The following CFHR4 variants were observed in gnomAD, a reference collection of about 807,000 sequenced individuals.
CFHR4 encodes the protein complement factor H-related protein 4.
Under a neutral mutation model 69.3 loss-of-function variants are expected in CFHR4, and 64 were observed. That is an observed-to-expected ratio of 0.92 (90% CI 0.76 to 1.14). The LOEUF is 1.14. Ranked by LOEUF, CFHR4 falls within the 50% of genes most tolerant of loss-of-function variation. CFHR4 has a pLI of 0.00. For missense variants in CFHR4, 636 were observed against 684.9 expected, an observed-to-expected ratio of 0.93 and a Z score of 0.80; for synonymous variants, 244 against 237.0, an observed-to-expected ratio of 1.03 and a Z score of -0.27.
rs1558250233 is a variant in CFHR4 at position 196,912,920 on chromosome 1, T to G, written c.1178T>G (p.Ile393Ser). Reference protein sequence around the residue: ...QNGWSAQPICIKFCDMPVFEN... With the variant: ...QNGWSAQPICSKFCDMPVFEN... ...GGATGGTCAGCACAACCAATTTGCA[T>G]TAGTAAGTGATTTACATATTCCCAT... The change falls in exon 7 of 10, where the codon ATT becomes AGT. Residue 393 changes from isoleucine (I) to serine (S), a missense_variant and splice_region_variant. Physicochemically the swap from Ile to Ser is moderately radical, Grantham distance 142. Transcript: ENST00000608469. 6.2e-7 allele frequency: 1 copy of G among 1,611,616 alleles called. No individual in the cohort carries two copies. Among genetic ancestry groups the G allele is most frequent in the South Asian group, 1.1e-5 (1 of 90,900 alleles).
intron 9 of CFHR4, among the ~76,000 whole-genome samples, chr1:196,917,891 G>T (rs1571459518): frequency 6.6e-6 from 1 of 151,584 alleles, no homozygotes; most frequent in African/African-American, 2.4e-5. Flanking sequence ...GAACATGTTA[G>T]CATAATCCTT....
chr1:196,902,154 C>T (rs1219390682), intron 1 of CFHR4, among the ~76,000 whole-genome samples: 1 of 151,388 alleles, frequency 6.6e-6, no homozygotes, highest in Non-Finnish European at 1.5e-5. Context: ...CATCTCTCAA[C>T]CAGGAAGCTC....
rs1019805744 is a variant in CFHR4, at chr1:196,915,458, AACCCTGTCTCT to A, written c.1540+323_1540+333del. 3.3e-3 allele frequency among the ~76,000 whole-genome samples: 495 copies of A among 151,310 alleles called. 16 individuals carry two copies. Among genetic ancestry groups the A allele is most frequent in the African/African-American group, 0.011 (462 of 41,028 alleles). On this transcript the variant is annotated intron_variant, in intron 9 of 9. Coordinates refer to ENST00000608469, the MANE Select transcript of CFHR4 (RefSeq NM_001201550.3). ...CGAGATCAGCCTGACCAACATGGTG[AACCCTGTCTCT>A]ACAAAAAATACAAAAATTAGCCAGG...
chr1:196,906,998 T>C lies in CFHR4; in HGVS notation c.577T>C (p.Cys193Arg). The change falls in exon 4 of 10, where the codon TGT becomes CGT. Residue 193 changes from cysteine (C) to arginine (R), a missense_variant. Physicochemically the swap from Cys to Arg is radical, Grantham distance 180. Around this residue, in one of 3 missense-constraint regions of CFHR4, gnomAD observed 529 missense variants for 533.2 expected, o/e 0.99. Transcript: ENST00000608469. ...SYGNTTDSIV[C>R]GEDGWSHLPT... is the part of the protein sequence containing the mutation. ...TGGAAACACCACAGATTCCATAGTGTGTGGTGAAGATGGCTGGTCCCATTT... is the reference window on the plus strand; with the variant it reads ...TGGAAACACCACAGATTCCATAGTGCGTGGTGAAGATGGCTGGTCCCATTT... 1.2e-6 allele frequency: 2 copies of C among 1,612,268 alleles called. No individual in the cohort carries two copies. The highest frequency in any genetic ancestry group is 1.7e-6 in the Non-Finnish European group (2 of 1,179,402).
intron 1 of CFHR4, among the ~76,000 whole-genome samples, chr1:196,891,848 G>T (rs1372172266): frequency 6.6e-6 from 1 of 150,980 alleles, no homozygotes; most frequent in African/African-American, 2.4e-5. Context: ...GTATATTCGT[G>T]TGTGGACCTA....
At chr1:196,909,561 T>C (rs1658122716) in intron 5 of CFHR4, among the ~76,000 whole-genome samples, 1 of 151,534 alleles carries the variant, frequency 6.6e-6, no homozygotes, top group Non-Finnish European at 1.5e-5. Flanking sequence ...AAGAAATTTA[T>C]TTAAGTGCTT....
At chr1:196,901,663 A>G (rs1657614226) in intron 1 of CFHR4, among the ~76,000 whole-genome samples, 1 of 151,358 alleles carries the variant, frequency 6.6e-6, no homozygotes, top group African/African-American at 2.4e-5. Flanking sequence ...GGAAATATCA[A>G]GTATAAGCCT....
At chr1:196,894,884 T>C (rs1355801912) in intron 1 of CFHR4, among the ~76,000 whole-genome samples, 1 of 26,830 alleles carries the variant, frequency 3.7e-5, no homozygotes, top group Admixed American at 5.7e-4. Flanking sequence ...AAACCCTGTC[T>C]CTAAAAACAA....
intron 3 of CFHR4, among the ~76,000 whole-genome samples, chr1:196,905,960 A>C (rs539124033): frequency 6.6e-6 from 1 of 151,568 alleles, no homozygotes; most frequent in Non-Finnish European, 1.5e-5. Context: ...ATAATGAACA[A>C]TGGAAACCTT....
chr1:196,904,394 T>G (rs1011234885), intron 2 of CFHR4, among the ~76,000 whole-genome samples: 2 of 151,488 alleles, frequency 1.3e-5, no homozygotes, highest in Non-Finnish European at 2.9e-5. Context: ...ATTTACATTT[T>G]TTTCTAATTA....
In CFHR4 at chr1:196,902,419, A is replaced by C. The variant is rs1571427584; in HGVS notation, c.60A>C (p.Glu20Asp). 6.3e-7 allele frequency: 1 copy of C among 1,598,150 alleles called. No homozygotes were observed. Residue 20 changes from glutamate to aspartate, a missense_variant and splice_region_variant, in exon 2 of 10, where the codon GAA becomes GAC. Coordinates refer to ENST00000608469, the MANE Select transcript of CFHR4 (RefSeq NM_001201550.3). ...TLWVSCANGQ[E>D]VKPCDFPEIQ... The stretch of plus-strand genomic sequence containing the variant: ...CTGTTTTTTGTTTTTTATTACAAGA[A>C]GTGAAACCTTGTGATTTTCCAGAAA...
intron 6 of CFHR4, among the ~76,000 whole-genome samples, chr1:196,911,815 G>T (rs1658284079): frequency 6.6e-6 from 1 of 151,352 alleles, no homozygotes; most frequent in Non-Finnish European, 1.5e-5. Context: ...GCACTTTATA[G>T]GTATTGAAAA....
chr1:196,918,069 T>A, intron 9 of CFHR4, 141 bp from the exon 10 acceptor site: 1 of 913,516 alleles, frequency 1.1e-6, no homozygotes, highest in Non-Finnish European at 1.5e-6. Flanking sequence ...CTAAAGTCAG[T>A]ATGTAGCACA....
intron 1 of CFHR4, among the ~76,000 whole-genome samples, chr1:196,891,229 G>A (rs574876052): frequency 2.0e-5 from 3 of 151,628 alleles, no homozygotes; most frequent in African/African-American, 7.3e-5. Context: ...TCCAGCCTTG[G>A]CGACAGAGCA....
Position 196,907,316 on chromosome 1 carries a change from A to G in CFHR4, c.617A>G (p.Asn206Ser), listed in dbSNP as rs115298512. Residue 206 changes from asparagine to serine, a missense_variant and splice_region_variant, in exon 5 of 10, where the codon AAT becomes AGT. By Grantham distance (46) the Asn-to-Ser change is conservative. Transcript: ENST00000608469. ...CCCAATGTAAAGTATTTTTTTTCAG[A>G]TTCTTCAGAAAACTGTGGGCCTCCT... is the stretch of plus-strand genomic sequence containing the variant. ...DGWSHLPTCYNSSENCGPPPP... is the reference protein window; with the variant it reads ...DGWSHLPTCYSSSENCGPPPP... 1.1e-3 allele frequency: 1,781 copies of G among 1,606,412 alleles called. 13 individuals carry two copies. Among genetic ancestry groups the G allele is most frequent in the Non-Finnish European group, 1.5e-3 (1,707 of 1,175,846 alleles).
chr1:196,907,037 A>G lies in CFHR4; in HGVS notation c.616A>G (p.Asn206Asp), dbSNP rs1657948228. The G allele has an allele frequency of 6.2e-7, 1 of 1,605,894 alleles. No homozygotes were observed. Among genetic ancestry groups the G allele is most frequent in the Non-Finnish European group, 8.5e-7 (1 of 1,176,006 alleles). ...CTGGTCCCATTTGCCAACATGCTAT[A>G]GTAAGTATTTTATTCAAGTATTTCT... ...DGWSHLPTCY[N>D]SSENCGPPPP... is the part of the protein sequence containing the mutation. Residue 206 changes from asparagine to aspartate, a missense_variant and splice_region_variant, in exon 4 of 10, where the codon AAT becomes GAT. Asn to Asp is a conservative substitution (Grantham distance 23). Coordinates refer to ENST00000608469, the MANE Select transcript of CFHR4 (RefSeq NM_001201550.3).
chr1:196,907,541 A>C (rs1356778660), intron 5 of CFHR4, 43 bp downstream of exon 5: 1 of 1,511,914 alleles, frequency 6.6e-7, no homozygotes, highest in Admixed American at 1.8e-5. Flanking sequence ...TAGAGTAATA[A>C]CTTTGATCCT....
rs774709791 is a variant in CFHR4, at chr1:196,905,163, C to T, written c.312C>T (p.Ser104=). The change falls in exon 3 of 10, where the codon TCC becomes TCT. Residue 104 remains serine, a synonymous_variant. Transcript: ENST00000608469. Reference sequence around the variant, plus strand: ...AAAATGGATTCATTTCTGAATCTTCCTCTATTTATATTTTAAATGAAGAAA... The same window carrying T: ...AAAATGGATTCATTTCTGAATCTTCTTCTATTTATATTTTAAATGAAGAAA... ...EIENGFISES[S]SIYILNEETQ... 4 of 1,606,224 alleles carry T rather than the reference C, an allele frequency of 2.5e-6. No individual in the cohort carries two copies. Among genetic ancestry groups the T allele is most frequent in the East Asian group, 2.2e-5 (1 of 44,460 alleles).
intron 5 of CFHR4, 110 bp from the exon 6 acceptor site, chr1:196,910,171 G>GA (rs371367197): frequency 0.1 from 45,251 of 450,828 alleles, no homozygotes; most frequent in East Asian, 0.13. Context: ...AAAAAGTAAA[G>GA]AAAAAAAAAA....
Sources: gnomAD v4.1 joint callset for allele counts (sites outside exome capture counted in the v4.1 genomes callset) on GRCh38, gnomAD v4.1.1 for gene constraint, gnomAD v4.1.1 regional missense constraint, MANE v1.5 for transcripts, NCBI Gene and HGNC (gene_info 2026-07-23, HGNC 2026-07-21) for gene names.